FBLN2: variants seen among roughly 807,000 people sequenced by gnomAD.
The protein encoded by FBLN2 is fibulin-2.
Under a neutral mutation model 123.7 loss-of-function variants are expected in FBLN2, and 81 were observed. That is an observed-to-expected ratio of 0.65 (90% CI 0.55 to 0.79). FBLN2 has a LOEUF of 0.79. Among genes scored for constraint, FBLN2 ranks in the 30% least tolerant of loss-of-function variants. The probability of loss-of-function intolerance (pLI) is 0.00; values close to 1 mark genes in which losing one functional copy is unlikely to be tolerated. For synonymous variants in FBLN2, 699 were observed against 701.4 expected, an observed-to-expected ratio of 1.00 and a Z score of 0.05; for missense variants, 1,603 against 1,681.3, an observed-to-expected ratio of 0.95 and a Z score of 0.81.
At chr3:13,609,671 G>A (rs2124880868) in intron 4 of FBLN2, 29 bp downstream of exon 4, 1 of 1,532,252 alleles carries the variant, frequency 6.5e-7, no homozygotes, top group Non-Finnish European at 8.8e-7. Context: ...CTTCAAGGCA[G>A]GGTGGGGTGG....
intron 5 of FBLN2, 93 bp downstream of exon 5, chr3:13,614,257 G>T (rs1195053014): frequency 4.0e-5 from 50 of 1,255,656 alleles, no homozygotes; most frequent in Non-Finnish European, 5.4e-5. Flanking sequence ...CATCACCTGT[G>T]GCTTGAGACA....
At chr3:13,597,188 T>G (rs1384764525) in intron 2 of FBLN2, among the ~76,000 whole-genome samples, 1 of 152,204 alleles carries the variant, frequency 6.6e-6, no homozygotes, top group Admixed American at 6.5e-5. Context: ...TGCTTCAGCC[T>G]CCCAAAATGC....
intron 1 of FBLN2, among the ~76,000 whole-genome samples, chr3:13,557,060 A>G (rs1703482695): frequency 6.6e-6 from 1 of 152,268 alleles, no homozygotes; most frequent in Non-Finnish European, 1.5e-5. Flanking sequence ...CTTCCTCTGC[A>G]GGTGGTCTGT....
chr3:13,619,634 G>A, intron 7 of FBLN2, 96 bp from the exon 8 acceptor site: 10 of 965,614 alleles, frequency 1.0e-5, no homozygotes, highest in Non-Finnish European at 3.1e-6. Flanking sequence ...TTGTTTCTGT[G>A]TCTCACTAGT....
chr3:13,577,816 G>A (rs1185570185), intron 2 of FBLN2, among the ~76,000 whole-genome samples: 7 of 152,200 alleles, frequency 4.6e-5, no homozygotes, highest in East Asian at 1.9e-4. Context: ...CCACCAGCCC[G>A]GGGGCAGCTG....
intron 4 of FBLN2, 31 bp downstream of exon 4, chr3:13,609,673 G>T: frequency 6.5e-7 from 1 of 1,532,884 alleles, no homozygotes; most frequent in Admixed American, 2.1e-5. Flanking sequence ...TCAAGGCAGG[G>T]TGGGGTGGGG....
chr3:13,579,552 C>T (rs1014580611), intron 2 of FBLN2, among the ~76,000 whole-genome samples: 3 of 152,370 alleles, frequency 2.0e-5, no homozygotes, highest in East Asian at 1.9e-4. Flanking sequence ...ATAGGACGCA[C>T]AGCGTTCTGT....
intron 1 of FBLN2, among the ~76,000 whole-genome samples, chr3:13,549,988 A>T (rs1412181034): frequency 6.6e-6 from 1 of 152,170 alleles, no homozygotes; most frequent in Non-Finnish European, 1.5e-5. Flanking sequence ...TCCGCCACAC[A>T]GGGGTAGCTA....
intron 1 of FBLN2, among the ~76,000 whole-genome samples, chr3:13,551,118 G>T (rs1703311241): frequency 6.6e-6 from 1 of 152,160 alleles, no homozygotes; most frequent in African/African-American, 2.4e-5. Context: ...CCTGGCCTGC[G>T]TGGCCTTTGT....
chr3:13,592,686 G>A (rs1214410733), intron 2 of FBLN2, among the ~76,000 whole-genome samples: 1 of 152,146 alleles, frequency 6.6e-6, no homozygotes, highest in African/African-American at 2.4e-5. Flanking sequence ...TTTTAGTGTA[G>A]AGTTCTTGTA....
At chr3:13,618,352 C>T (rs1192678960) in intron 6 of FBLN2, 67 bp downstream of exon 6, 2 of 1,471,122 alleles carry the variant, frequency 1.4e-6, no homozygotes, top group African/African-American at 1.4e-5. Context: ...GTGTGGCATT[C>T]CTGGGGTGCA....
At chr3:13,636,028 A>C (rs540221329) in intron 16 of FBLN2, among the ~76,000 whole-genome samples, 3 of 152,262 alleles carry the variant, frequency 2.0e-5, no homozygotes, top group African/African-American at 7.2e-5. Context: ...CAGCAGTAGG[A>C]AAAGCTGGGG....
chr3:13,609,769 C>T (rs1410868094), intron 4 of FBLN2, 127 bp downstream of exon 4: 4 of 1,109,490 alleles, frequency 3.6e-6, no homozygotes, highest in African/African-American at 1.6e-5. Context: ...GAGTGACCCT[C>T]ACGCCTGGGG....
intron 4 of FBLN2, among the ~76,000 whole-genome samples, chr3:13,613,280 G>A (rs1395272430): frequency 6.6e-6 from 1 of 152,208 alleles, no homozygotes; most frequent in Non-Finnish European, 1.5e-5. Flanking sequence ...CTTAATAGAA[G>A]CAGCTGCAAT....
intron 1 of FBLN2, among the ~76,000 whole-genome samples, chr3:13,563,864 G>A (rs1703673490): frequency 6.6e-6 from 1 of 152,204 alleles, no homozygotes; most frequent in Non-Finnish European, 1.5e-5. Context: ...CTGGGGCGGG[G>A]TGGTTGGAGG....
intron 5 of FBLN2, among the ~76,000 whole-genome samples, chr3:13,614,858 G>T (rs369200997): frequency 7.2e-6 from 1 of 139,370 alleles, no homozygotes; most frequent in Non-Finnish European, 1.5e-5. Flanking sequence ...TCATTCATCT[G>T]TCCATCTGTC....
At chr3:13,559,130 T>C (rs2125034454) in intron 1 of FBLN2, among the ~76,000 whole-genome samples, 1 of 152,302 alleles carries the variant, frequency 6.6e-6, no homozygotes, top group African/African-American at 2.4e-5. Flanking sequence ...GCCAGGGGTC[T>C]GTGAGTGGAC....
At position 13,566,841 on chromosome 3, in the gene FBLN2, A is replaced by G. The variant is rs1327785310; in HGVS notation, c.-41-3474A>G. On this transcript the variant is annotated intron_variant, in intron 1 of 17. Coordinates refer to ENST00000404922, the MANE Select transcript of FBLN2 (RefSeq NM_001004019.2). ...GTAACCAATTTAAAATGAGAAACCCACTGTGTGAGCCAAACGAAAGCACTT... is the reference window on the plus strand; with the variant it reads ...GTAACCAATTTAAAATGAGAAACCCGCTGTGTGAGCCAAACGAAAGCACTT... 2.6e-5 allele frequency among the ~76,000 whole-genome samples: 4 copies of G among 151,718 alleles called. No individual in the cohort carries two copies. In the South Asian group the frequency reaches 8.3e-4, roughly 31 times the overall value.
intron 2 of FBLN2, among the ~76,000 whole-genome samples, chr3:13,573,972 C>T (rs1704050901): frequency 6.6e-6 from 1 of 151,990 alleles, no homozygotes; most frequent in Non-Finnish European, 1.5e-5. Flanking sequence ...AGCCTGCTTC[C>T]ACCACTTTCT....
Sources: gnomAD v4.1 joint callset for allele counts (sites outside exome capture counted in the v4.1 genomes callset) on GRCh38, gnomAD v4.1.1 for gene constraint, MANE v1.5 for transcripts, NCBI Gene and HGNC (gene_info 2026-07-23, HGNC 2026-07-21) for gene names.